Variants in ERBB4 observed in about 807,000 individuals in gnomAD.
The protein encoded by ERBB4 is receptor tyrosine-protein kinase erbB-4.
Under a neutral mutation model 158.0 loss-of-function variants are expected in ERBB4, and 42 were observed. The ratio of observed to expected loss-of-function variants is 0.27; its 90% CI spans 0.21 to 0.34. The LOEUF (loss-of-function observed/expected upper bound fraction) is 0.34. ERBB4 is among the 10% of genes least tolerant of loss of function. ERBB4 has a pLI of 1.00. For synonymous variants in ERBB4, 583 were observed against 558.7 expected, an observed-to-expected ratio of 1.04 and a Z score of -0.61; for missense variants, 1,333 against 1,624.1, an observed-to-expected ratio of 0.82 and a Z score of 3.08.
rs749944153 is a variant in ERBB4, at chr2:211,702,028, T to C, written c.1428A>G (p.Thr476=). Reference sequence around the variant, plus strand: ...TTCTCTGGTTGATTGTGCTGAAGAGTGTTGTCCAGTTAATGGTATGATAAT... The same window carrying C: ...TTCTCTGGTTGATTGTGCTGAAGAGCGTTGTCCAGTTAATGGTATGATAAT... ...LCYYHTINWT[T]LFSTINQRIV... The change falls in exon 12 of 28, where the codon ACA becomes ACG. Residue 476 remains threonine (T), a synonymous_variant. Coordinates refer to ENST00000342788, the MANE Select transcript of ERBB4 (RefSeq NM_005235.3). 1 of 1,613,960 alleles carries C rather than the reference T, an allele frequency of 6.2e-7. No individual in the cohort carries two copies. The highest frequency in any genetic ancestry group is 8.5e-7 in the Non-Finnish European group (1 of 1,179,934).
At chr2:211,995,789 C>G (rs980658784) in intron 2 of ERBB4, among the ~76,000 whole-genome samples, 1 of 152,132 alleles carries the variant, frequency 6.6e-6, no homozygotes, top group Non-Finnish European at 1.5e-5. Flanking sequence ...TGACTTCACC[C>G]AGCAAAGCTT....
chr2:212,487,453 G>A lies in ERBB4; in HGVS notation c.82+50996C>T, dbSNP rs539481612. On this transcript the variant is annotated intron_variant, in intron 1 of 27. Coordinates refer to ENST00000342788, the MANE Select transcript of ERBB4 (RefSeq NM_005235.3). ...AAGGAAACTTAAAATGGGGAGGTGC[G>A]ACAAATAAAAAATTAAGTTTTAAAA... Among the ~76,000 whole-genome samples, 46 of 151,574 alleles carry A rather than the reference G, an allele frequency of 3.0e-4. 1 individual carries two copies. Among genetic ancestry groups the A allele is most frequent in the East Asian group, 1.7e-3 (9 of 5,166 alleles).
chr2:211,850,529 C>G (rs998157855), intron 3 of ERBB4, among the ~76,000 whole-genome samples: 1 of 151,916 alleles, frequency 6.6e-6, no homozygotes, highest in Admixed American at 6.6e-5. Flanking sequence ...CAGGGTACAG[C>G]TTTCTACAGG....
intron 20 of ERBB4, among the ~76,000 whole-genome samples, chr2:211,446,327 A>C (rs1053588756): frequency 5.3e-5 from 8 of 152,322 alleles, no homozygotes; most frequent in Non-Finnish European, 7.3e-5. Context: ...TTGTCCTCAG[A>C]AGCAGAGAAA....
intron 19 of ERBB4, among the ~76,000 whole-genome samples, chr2:211,602,124 G>A (rs947823755): frequency 6.6e-6 from 1 of 151,942 alleles, no homozygotes; most frequent in Non-Finnish European, 1.5e-5. Context: ...TGGGTGTAGG[G>A]GGGTGGTCAG....
chr2:212,253,596 A>G lies in ERBB4; in HGVS notation c.83-128693T>C, dbSNP rs73066351. Among the ~76,000 whole-genome samples, 746 of 152,266 alleles carry G rather than the reference A, an allele frequency of 4.9e-3. 7 individuals carry two copies. The highest frequency in any genetic ancestry group is 0.017 in the African/African-American group (705 of 41,564). On this transcript the variant is annotated intron_variant, in intron 1 of 27. Transcript: ENST00000342788. ...ACTTTTGCATTTCTAACTAGATTTC[A>G]GGTTTTGCCCATGCAGCTGGTTAGC...
chr2:211,723,296 G>C (rs1286120562), intron 6 of ERBB4, among the ~76,000 whole-genome samples: 1 of 152,078 alleles, frequency 6.6e-6, no homozygotes, highest in Non-Finnish European at 1.5e-5. Flanking sequence ...GTAGGTACTT[G>C]ATATAAAAAC....
chr2:211,595,194 C>T (rs926658498), intron 19 of ERBB4, among the ~76,000 whole-genome samples: 7 of 152,208 alleles, frequency 4.6e-5, no homozygotes, highest in South Asian at 2.1e-4. Flanking sequence ...CATCTTAAAA[C>T]GATAGGCATT....
intron 20 of ERBB4, among the ~76,000 whole-genome samples, chr2:211,431,740 T>C (rs2063752588): frequency 6.6e-6 from 1 of 152,280 alleles, no homozygotes; most frequent in South Asian, 2.1e-4. Context: ...CATAGTGAAA[T>C]TACACAGTTT....
chr2:211,398,405 T>C (rs918917249), intron 25 of ERBB4, among the ~76,000 whole-genome samples: 6 of 152,208 alleles, frequency 3.9e-5, no homozygotes, highest in African/African-American at 1.4e-4. Context: ...TAGGATGCAC[T>C]AAGGAAAACA....
At chr2:211,832,867 TA>T (rs1248221360) in intron 3 of ERBB4, among the ~76,000 whole-genome samples, 10 of 145,684 alleles carry the variant, frequency 6.9e-5, no homozygotes, top group Non-Finnish European at 6.0e-5. Context: ...TATATATAAA[TA>T]AATAAGACTA....
At chr2:212,478,758 C>G (rs1400539963) in intron 1 of ERBB4, among the ~76,000 whole-genome samples, 1 of 151,974 alleles carries the variant, frequency 6.6e-6, no homozygotes, top group Non-Finnish European at 1.5e-5. Flanking sequence ...CCACCAAGAC[C>G]TCCAACTGGA....
At chr2:212,036,823 T>C (rs1459818081) in intron 2 of ERBB4, among the ~76,000 whole-genome samples, 1 of 152,094 alleles carries the variant, frequency 6.6e-6, no homozygotes, top group African/African-American at 2.4e-5. Context: ...ATTAAAAAAA[T>C]ACTAACAACT....
At chr2:212,293,171 A>G (rs1246585970) in intron 1 of ERBB4, among the ~76,000 whole-genome samples, 1 of 152,020 alleles carries the variant, frequency 6.6e-6, no homozygotes, top group Non-Finnish European at 1.5e-5. Context: ...AAAAAAATCT[A>G]CTTAAATATA....
chr2:211,869,834 C>A (rs2078298554), intron 3 of ERBB4, among the ~76,000 whole-genome samples: 1 of 152,084 alleles, frequency 6.6e-6, no homozygotes, highest in South Asian at 2.1e-4. Context: ...GATTTACAAA[C>A]TCTCAACAGA....
At chr2:211,710,336 T>A (rs902022938) in intron 9 of ERBB4, among the ~76,000 whole-genome samples, 1 of 151,862 alleles carries the variant, frequency 6.6e-6, no homozygotes, top group Non-Finnish European at 1.5e-5. Flanking sequence ...CAGAAGACAT[T>A]ATTAGCATAA....
chr2:211,842,571 C>T (rs372674488), intron 3 of ERBB4, among the ~76,000 whole-genome samples: 42 of 151,876 alleles, frequency 2.8e-4, no homozygotes, highest in East Asian at 1.4e-3. Flanking sequence ...TTTTTCAGTG[C>T]CACATTGTGA....
chr2:211,552,947 C>T (rs570199898), intron 20 of ERBB4, among the ~76,000 whole-genome samples: 3 of 151,386 alleles, frequency 2.0e-5, no homozygotes, highest in Admixed American at 1.3e-4. Context: ...GGTGGTTTCA[C>T]ATGTTTTCAA....
At chr2:211,937,073 T>A (rs2080344776) in intron 3 of ERBB4, among the ~76,000 whole-genome samples, 1 of 152,208 alleles carries the variant, frequency 6.6e-6, no homozygotes, top group Admixed American at 6.5e-5. Flanking sequence ...ATTGTATTAA[T>A]TCTAAAACAC....
Sources: allele counts gnomAD v4.1 joint callset (sites outside exome capture counted in the v4.1 genomes callset), GRCh38; gene constraint gnomAD v4.1.1; transcripts MANE v1.5; gene names NCBI Gene and HGNC (gene_info 2026-07-23, HGNC 2026-07-21).